The following RMDN2 variants were observed in gnomAD, a reference collection of about 807,000 sequenced individuals.
The protein encoded by RMDN2 is regulator of microtubule dynamics protein 2.
Under a neutral mutation model 52.8 loss-of-function variants are expected in RMDN2, and 61 were observed. The observed-to-expected ratio is 1.16, with a 90% CI of 0.94 to 1.43. The LOEUF (loss-of-function observed/expected upper bound fraction) is 1.43. Among genes scored for constraint, RMDN2 ranks in the 40% most tolerant of loss-of-function variants. RMDN2 has a pLI of 0.00. For synonymous variants in RMDN2, 180 were observed against 153.1 expected (o/e 1.18, Z -1.30); for missense variants, 592 against 475.3 (o/e 1.25, Z -2.28).
At chr2:37,981,065 A>G (rs1673248125) in intron 4 of RMDN2, among the ~76,000 whole-genome samples, 1 of 152,232 alleles carries the variant, frequency 6.6e-6, no homozygotes. Flanking sequence ...CATCAGAATC[A>G]TTGGAGGCTC....
At position 38,040,045 on chromosome 2, in the gene RMDN2, C is replaced by CATTATTATTATTATT. The variant is rs60031771; in HGVS notation, c.1714-26912_1714-26898dup. On this transcript the variant is annotated intron_variant, in intron 10 of 10. Transcript: ENST00000234195. ...ACAGTATAAGGCCTGTGTCTAGATT[C>CATTATTATTATTATT]ATTATTATTATTATTATTATTATTA... is the stretch of plus-strand genomic sequence containing the variant. Among the ~76,000 whole-genome samples, 699 of 141,662 alleles carry CATTATTATTATTATT rather than the reference C, an allele frequency of 4.9e-3. 2 individuals carry two copies. Among genetic ancestry groups the CATTATTATTATTATT allele is most frequent in the Middle Eastern group, 0.018 (5 of 274 alleles). 92.9% of individuals were successfully genotyped at this position (141,662 alleles called of 152,430 possible). A position where few individuals can be genotyped will look rare whatever the true frequency, so the allele number is the denominator to read the frequency against.
At chr2:37,960,388 T>C (rs1670048290) in intron 2 of RMDN2, among the ~76,000 whole-genome samples, 1 of 152,186 alleles carries the variant, frequency 6.6e-6, no homozygotes. Flanking sequence ...CTAATCCCCT[T>C]ACCATTATGT....
intron 10 of RMDN2, among the ~76,000 whole-genome samples, chr2:38,042,520 C>G (rs867663790): frequency 6.6e-6 from 1 of 151,682 alleles, no homozygotes; most frequent in Non-Finnish European, 1.5e-5. Context: ...GGTTTCTACT[C>G]TAATTTTTTT....
intron 6 of RMDN2, among the ~76,000 whole-genome samples, chr2:37,990,289 C>T (rs905872271): frequency 5.3e-5 from 8 of 151,452 alleles, no homozygotes; most frequent in Non-Finnish European, 1.0e-4. Context: ...GAGGCTGAAG[C>T]GGGCAGATTG....
intron 10 of RMDN2, among the ~76,000 whole-genome samples, chr2:38,044,210 T>A (rs956149821): frequency 9.9e-5 from 15 of 152,048 alleles, no homozygotes; most frequent in South Asian, 2.1e-4. Context: ...CAACACTAAA[T>A]ATTTTACACT....
At chr2:37,947,459 A>G (rs1037785605) in intron 2 of RMDN2, among the ~76,000 whole-genome samples, 5 of 152,206 alleles carry the variant, frequency 3.3e-5, no homozygotes, top group African/African-American at 1.2e-4. Flanking sequence ...TAAAAAAGCC[A>G]TACTTTTTCT....
At chr2:37,950,602 C>G (rs146001098) in intron 2 of RMDN2, 2 of 1,612,774 alleles carry the variant, frequency 1.2e-6, no homozygotes, top group Admixed American at 1.7e-5. Context: ...TAAGGTAAGC[C>G]TTAGAAAAAA....
chr2:37,927,969 T>A lies in RMDN2; in HGVS notation c.-16-1293T>A, dbSNP rs560187897. Among the ~76,000 whole-genome samples, 7 of 152,270 alleles carry A rather than the reference T, an allele frequency of 4.6e-5. No homozygotes were observed. In the East Asian group the frequency reaches 1.3e-3, roughly 29 times the overall value. ...TTATACCAATTAGGTGAAAAAAAAT[T>A]TTTTTAAGTTAATTCCAGGCAAATT... On this transcript the variant is annotated intron_variant, in intron 1 of 10. Coordinates refer to ENST00000354545, the MANE Select transcript of RMDN2 (RefSeq NM_001170791.3).
chr2:38,059,397 G>A (rs1220134423), intron 10 of RMDN2, among the ~76,000 whole-genome samples: 1 of 152,144 alleles, frequency 6.6e-6, no homozygotes, highest in Non-Finnish European at 1.5e-5. Context: ...TGGATATTGT[G>A]TAGAAAATCC....
chr2:37,996,998 G>C (rs560051409), intron 7 of RMDN2, among the ~76,000 whole-genome samples: 1 of 152,234 alleles, frequency 6.6e-6, no homozygotes, highest in South Asian at 2.1e-4. Context: ...CAGGAGGAGA[G>C]CAAAGGCGGA....
At chr2:37,941,321 T>C (rs933742498) in intron 2 of RMDN2, among the ~76,000 whole-genome samples, 3 of 152,228 alleles carry the variant, frequency 2.0e-5, no homozygotes, top group Admixed American at 2.0e-4. Flanking sequence ...CTGTGCGAGA[T>C]GTCTGTTGAC....
In RMDN2 at chr2:37,946,409, G is replaced by A. The variant is rs79660791; in HGVS notation, c.452+16680G>A. On this transcript the variant is annotated intron_variant, in intron 2 of 10. Coordinates refer to ENST00000354545, the MANE Select transcript of RMDN2 (RefSeq NM_001170791.3). Reference sequence around the variant, plus strand: ...GATGCTTTATTTTTCTCTTCCCTATGCTACCCCTCTCCTCTCCTCTATCAA... The same window carrying A: ...GATGCTTTATTTTTCTCTTCCCTATACTACCCCTCTCCTCTCCTCTATCAA... Among the ~76,000 whole-genome samples the A allele has an allele frequency of 1.5e-3, 230 of 152,256 alleles. 5 individuals carry two copies. In the East Asian group the frequency reaches 0.037, roughly 24 times the overall value.
chr2:37,922,724 T>C (rs1490417894), upstream of RMDN2, among the ~76,000 whole-genome samples: 4 of 152,192 alleles, frequency 2.6e-5, no homozygotes, highest in African/African-American at 9.7e-5. Flanking sequence ...TCCATAAGTT[T>C]TGATGGGGCA....
chr2:37,933,158 C>T (rs1666974537), intron 2 of RMDN2, among the ~76,000 whole-genome samples: 1 of 151,934 alleles, frequency 6.6e-6, no homozygotes, highest in Non-Finnish European at 1.5e-5. Context: ...AGGTGCTCCT[C>T]ACATCTCAGA....
intron 2 of RMDN2, among the ~76,000 whole-genome samples, chr2:37,943,520 G>A (rs1667971376): frequency 6.6e-6 from 1 of 152,148 alleles, no homozygotes. Flanking sequence ...TGTTTTAGAT[G>A]CTAATGAAAG....
At chr2:38,060,020 C>T (rs916427353) in intron 10 of RMDN2, among the ~76,000 whole-genome samples, 1 of 152,058 alleles carries the variant, frequency 6.6e-6, no homozygotes, top group South Asian at 2.1e-4. Context: ...GCCTCAGCCT[C>T]CCGAGTAGCT....
chr2:38,043,427 A>T (rs1320542899), intron 10 of RMDN2, among the ~76,000 whole-genome samples: 1 of 152,116 alleles, frequency 6.6e-6, no homozygotes, highest in Non-Finnish European at 1.5e-5. Flanking sequence ...GTCAGATCCA[A>T]TCCATTCTGA....
At chr2:37,951,782 T>A in intron 2 of RMDN2, 1 of 1,613,498 alleles carries the variant, frequency 6.2e-7, no homozygotes, top group African/African-American at 1.3e-5. Context: ...ATTTTAAGAA[T>A]TTTGAAACAA....
intron 2 of RMDN2, among the ~76,000 whole-genome samples, chr2:37,966,853 C>G (rs1558484432): frequency 1.3e-5 from 2 of 152,094 alleles, no homozygotes; most frequent in African/African-American, 4.8e-5. Context: ...CATAATATAT[C>G]TGAAAAAGAT....
Sources: gnomAD v4.1 joint callset for allele counts (sites outside exome capture counted in the v4.1 genomes callset) on GRCh38, gnomAD v4.1.1 for gene constraint, MANE v1.5 for transcripts, NCBI Gene and HGNC (gene_info 2026-07-23, HGNC 2026-07-21) for gene names.